The following GLCE variants were observed in gnomAD, a reference collection of about 807,000 sequenced individuals.
The protein encoded by GLCE is glucuronic acid epimerase.
GLCE carries 19 observed loss-of-function variants against 47.9 expected under a neutral mutation model. The ratio of observed to expected loss-of-function variants is 0.40; its 90% CI spans 0.28 to 0.58. The LOEUF (loss-of-function observed/expected upper bound fraction) is 0.58. Ranked by LOEUF, GLCE falls within the 20% of genes least tolerant of loss-of-function variation. The pLI is 0.48. For missense variants in GLCE, 556 were observed against 743.3 expected, an observed-to-expected ratio of 0.75 and a Z score of 2.93; for synonymous variants, 245 against 263.4, an observed-to-expected ratio of 0.93 and a Z score of 0.68.
At chr15:69,175,644 A>G (rs1392882285) in intron 1 of GLCE, among the ~76,000 whole-genome samples, 1 of 152,206 alleles carries the variant, frequency 6.6e-6, no homozygotes, top group Non-Finnish European at 1.5e-5. Context: ...TGTCATACCC[A>G]GTGGGTGTTC....
Position 69,255,872 on chromosome 15 carries a change from G to A in GLCE, c.66G>A (p.Leu22=), listed in dbSNP as rs1418480968. 6.2e-7 allele frequency: 1 copy of A among 1,613,870 alleles called. No individual in the cohort carries two copies. Among genetic ancestry groups the A allele is most frequent in the Non-Finnish European group, 8.5e-7 (1 of 1,179,942 alleles). Reference sequence around the variant, plus strand: ...TTATTATCTGCGCACTCTTCACTTTGGTCACAGTACTTTTGTGGAATAAGT... The same window carrying A: ...TTATTATCTGCGCACTCTTCACTTTAGTCACAGTACTTTTGTGGAATAAGT... ...TLIIICALFT[L]VTVLLWNKCS... The change falls in exon 3 of 5, where the codon TTG becomes TTA. Residue 22 remains leucine (L), a synonymous_variant. Transcript: ENST00000261858.
At chr15:69,237,495 G>A (rs2140413850) in intron 2 of GLCE, among the ~76,000 whole-genome samples, 1 of 152,124 alleles carries the variant, frequency 6.6e-6, no homozygotes, top group African/African-American at 2.4e-5. Context: ...CTACTTGTGA[G>A]GCTGAGGCAG....
chr15:69,186,214 G>A (rs1421860876), intron 1 of GLCE, among the ~76,000 whole-genome samples: 3 of 152,028 alleles, frequency 2.0e-5, no homozygotes, highest in Non-Finnish European at 4.4e-5. Context: ...AGGGTATGAG[G>A]CAGGACCCTC....
chr15:69,196,972 C>CA, intron 1 of GLCE: 1 of 246,590 alleles, frequency 4.1e-6, no homozygotes, highest in South Asian at 5.6e-5. Context: ...AAACTTCTAC[C>CA]AAAATGTTAA....
intron 4 of GLCE, among the ~76,000 whole-genome samples, chr15:69,262,828 C>G (rs1215334950): frequency 6.6e-6 from 1 of 152,100 alleles, no homozygotes; most frequent in Non-Finnish European, 1.5e-5. Context: ...TGGAAGCGTG[C>G]TAGCTGGGAA....
rs927412500 is a variant in GLCE, at chr15:69,270,593, G to C, written c.*1349G>C. 1 of 152,132 alleles carries C rather than the reference G, an allele frequency of 6.6e-6. No homozygotes were observed. The highest frequency in any genetic ancestry group is 2.4e-5 in the African/African-American group (1 of 41,412). The allele number at this position is 152,132 out of a possible 1,614,324, so 9.4% of individuals were successfully genotyped here. A position where few individuals can be genotyped will look rare whatever the true frequency, so the allele number is the denominator to read the frequency against. ...ATACCCTACACTTTCAGGGGACCGA[G>C]TCTGACAAACACAATACATTTATCT... On this transcript the variant is annotated 3_prime_UTR_variant, in exon 5 of 5. Coordinates refer to ENST00000261858, the MANE Select transcript of GLCE (RefSeq NM_015554.3).
In GLCE at chr15:69,261,198, T is replaced by C; in HGVS notation, c.698T>C (p.Ile233Thr). The C allele has an allele frequency of 1.2e-6, 2 of 1,614,024 alleles. No individual in the cohort carries two copies. Among genetic ancestry groups the C allele is most frequent in the South Asian group, 1.1e-5 (1 of 91,082 alleles). ...AATCTAACTGAGAAACCTCCTCACA[T>C]AGAGGTATATGAAACAGCAGAAGAC... is the stretch of plus-strand genomic sequence containing the variant. ...SKNLTEKPPHIEVYETAEDRD... is the reference protein window; with the variant it reads ...SKNLTEKPPHTEVYETAEDRD... Residue 233 changes from isoleucine to threonine, a missense_variant, in exon 4 of 5, where the codon ATA becomes ACA. Coordinates refer to ENST00000261858, the MANE Select transcript of GLCE (RefSeq NM_015554.3).
At chr15:69,255,483 CTG>C (rs929699078) in intron 2 of GLCE, among the ~76,000 whole-genome samples, 2 of 152,090 alleles carry the variant, frequency 1.3e-5, no homozygotes, top group Non-Finnish European at 2.9e-5. Context: ...CATACTCAAA[CTG>C]TATTAGGTAT....
At chr15:69,254,918 G>A (rs888815587) in intron 2 of GLCE, among the ~76,000 whole-genome samples, 1 of 152,128 alleles carries the variant, frequency 6.6e-6, no homozygotes, top group Admixed American at 6.6e-5. Flanking sequence ...AAAGACTGGG[G>A]CCCTAAGGTA....
chr15:69,265,076 C>G (rs1431512211), intron 4 of GLCE, among the ~76,000 whole-genome samples: 1 of 151,976 alleles, frequency 6.6e-6, no homozygotes, highest in South Asian at 2.1e-4. Flanking sequence ...TTTGCTTGTA[C>G]ATTTGATGTC....
At chr15:69,214,547 T>A (rs2052278280) in intron 2 of GLCE, among the ~76,000 whole-genome samples, 1 of 152,172 alleles carries the variant, frequency 6.6e-6, no homozygotes, top group South Asian at 2.1e-4. Flanking sequence ...TAAACCTCTT[T>A]CCTTTATAAA....
chr15:69,196,838 AC>A (rs892944147), intron 1 of GLCE: 1 of 167,086 alleles, frequency 6.0e-6, no homozygotes, highest in Non-Finnish European at 1.3e-5. Flanking sequence ...ACTTTGTGTA[AC>A]AACAATGAAC....
At chr15:69,259,200 G>A (rs976951040) in intron 3 of GLCE, among the ~76,000 whole-genome samples, 2 of 151,792 alleles carry the variant, frequency 1.3e-5, no homozygotes, top group Non-Finnish European at 2.9e-5. Context: ...CCCCTTTTTC[G>A]AATGTGATAA....
At chr15:69,223,343 A>G (rs1164771744) in intron 2 of GLCE, among the ~76,000 whole-genome samples, 1 of 152,196 alleles carries the variant, frequency 6.6e-6, no homozygotes, top group East Asian at 1.9e-4. Flanking sequence ...CTTGTTTGAC[A>G]GATTTTTTTG....
intron 1 of GLCE, among the ~76,000 whole-genome samples, chr15:69,186,014 G>A (rs570642323): frequency 1.5e-4 from 23 of 152,206 alleles, no homozygotes; most frequent in African/African-American, 5.5e-4. Flanking sequence ...TTATTATAAA[G>A]GATATATGTA....
At chr15:69,260,735 G>C in intron 3 of GLCE, 1 of 203,082 alleles carries the variant, frequency 4.9e-6, no homozygotes, top group Non-Finnish European at 1.0e-5. Flanking sequence ...TTAGCTATAC[G>C]CATCTAAATT....
intron 1 of GLCE, among the ~76,000 whole-genome samples, chr15:69,179,848 G>A (rs1225469233): frequency 2.0e-5 from 3 of 152,048 alleles, no homozygotes; most frequent in African/African-American, 4.8e-5. Flanking sequence ...TTAGCTGGGC[G>A]TGGTGGTGCA....
At chr15:69,196,607 T>C (rs142702783) in intron 1 of GLCE, 165 of 161,948 alleles carry the variant, frequency 1.0e-3, no homozygotes, top group African/African-American at 3.9e-3. Flanking sequence ...AGATGAGGAG[T>C]GTTGTGCCCG....
intron 1 of GLCE, among the ~76,000 whole-genome samples, chr15:69,207,078 A>G (rs766626099): frequency 7.2e-5 from 11 of 152,028 alleles, no homozygotes; most frequent in African/African-American, 1.4e-4. Context: ...GGCCTTATCC[A>G]TTTACTTGTT....
Sources: allele counts gnomAD v4.1 joint callset (sites outside exome capture counted in the v4.1 genomes callset), GRCh38; gene constraint gnomAD v4.1.1; transcripts MANE v1.5; gene names NCBI Gene and HGNC (gene_info 2026-07-23, HGNC 2026-07-21).